The following CEP112 variants were observed in gnomAD, a reference collection of about 807,000 sequenced individuals.
CEP112 encodes centrosomal protein of 112 kDa.
A neutral mutation model predicts 153.0 loss-of-function variants in CEP112; 127 were observed. The ratio of observed to expected loss-of-function variants is 0.83; its 90% CI spans 0.72 to 0.96. The LOEUF is 0.96. Among genes scored for constraint, CEP112 ranks in the 40% least tolerant of loss-of-function variants. The pLI is 0.00. For synonymous variants in CEP112, 358 were observed against 374.4 expected (o/e 0.96, Z 0.51); for missense variants, 1,089 against 1,101.2 (o/e 0.99, Z 0.16).
chr17:65,849,222 T>C (rs2057835696), intron 21 of CEP112, among the ~76,000 whole-genome samples: 1 of 152,182 alleles, frequency 6.6e-6, no homozygotes, highest in South Asian at 2.1e-4. Flanking sequence ...ATCCAACATA[T>C]CTACTAATTA....
At chr17:65,873,465 G>C (rs1455316330) in intron 20 of CEP112, 3 of 152,022 alleles carry the variant, frequency 2.0e-5, no homozygotes, top group Non-Finnish European at 4.4e-5. Flanking sequence ...CCCATCATCT[G>C]ACTCTCCTAA....
At chr17:65,657,499 G>A (rs930297167) in intron 24 of CEP112, among the ~76,000 whole-genome samples, 8 of 152,186 alleles carry the variant, frequency 5.3e-5, no homozygotes, top group Admixed American at 1.3e-4. Context: ...CAAGTTGGAA[G>A]GAAGCACCTT....
At chr17:65,992,470 A>C (rs1489723812) in intron 17 of CEP112, among the ~76,000 whole-genome samples, 2 of 152,186 alleles carry the variant, frequency 1.3e-5, no homozygotes, top group African/African-American at 4.8e-5. Context: ...AAAGTGAAGA[A>C]AGGCCTCCAA....
intron 16 of CEP112, among the ~76,000 whole-genome samples, chr17:66,008,262 T>C (rs1057109746): frequency 6.6e-6 from 1 of 152,180 alleles, no homozygotes; most frequent in Non-Finnish European, 1.5e-5. Context: ...GATGAGAACA[T>C]TTAAAGTTTG....
At chr17:65,849,083 G>T (rs1485707806) in intron 21 of CEP112, among the ~76,000 whole-genome samples, 1 of 152,188 alleles carries the variant, frequency 6.6e-6, no homozygotes, top group Admixed American at 6.5e-5. Context: ...GCTTATCACA[G>T]CTTTGGAGAC....
chr17:65,891,044 G>A (rs561959224), intron 20 of CEP112, among the ~76,000 whole-genome samples: 1 of 152,304 alleles, frequency 6.6e-6, no homozygotes, highest in South Asian at 2.1e-4. Flanking sequence ...CTGTAAGCTT[G>A]AGGGAGAAAC....
At chr17:66,128,886 A>G (rs902873268) in intron 6 of CEP112, among the ~76,000 whole-genome samples, 1 of 152,204 alleles carries the variant, frequency 6.6e-6, no homozygotes, top group Non-Finnish European at 1.5e-5. Context: ...GAATCTTATA[A>G]AAACACACAG....
rs376702611 is a variant in CEP112, at chr17:65,697,094, G to A, written c.2608-7876C>T. ...TAATTTACATACAATCCAATTCAAT[G>A]TTTATTTTTTCATGGTAATGGTCTG... On this transcript the variant is annotated intron_variant, in intron 23 of 26. Coordinates refer to ENST00000535342, the MANE Select transcript of CEP112 (RefSeq NM_001199165.4). Among the ~76,000 whole-genome samples, 231 of 152,232 alleles carry A rather than the reference G, an allele frequency of 1.5e-3. 1 individual carries two copies. Among genetic ancestry groups the A allele is most frequent in the African/African-American group, 5.3e-3 (220 of 41,558 alleles).
intron 17 of CEP112, among the ~76,000 whole-genome samples, chr17:65,982,783 A>G (rs2063274591): frequency 6.6e-6 from 1 of 152,230 alleles, no homozygotes; most frequent in South Asian, 2.1e-4. Flanking sequence ...AGCACTATTC[A>G]CAATAGCCAA....
rs1416013195 is a variant in CEP112 at position 66,096,321 on chromosome 17, G to C, written c.698C>G (p.Pro233Arg). ...QKPIPVSLMT[P>R]KFSLRKSSSF... is the part of the protein sequence containing the mutation. Reference sequence around the variant, plus strand: ...GCTGGATTTTCTCAGGCTGAATTTCGGTGTCATCTGCTAAATGAACAGGAG... The same window carrying C: ...GCTGGATTTTCTCAGGCTGAATTTCCGTGTCATCTGCTAAATGAACAGGAG... The change falls in exon 8 of 27, where the codon CCG becomes CGG. Residue 233 changes from proline to arginine, a missense_variant. Physicochemically the swap from Pro to Arg is moderately radical, Grantham distance 103 (BLOSUM62 -2). Transcript: ENST00000535342. 1.9e-6 allele frequency: 3 copies of C among 1,612,582 alleles called. No homozygotes were observed.
At chr17:65,828,226 C>A (rs1434540677) in intron 21 of CEP112, among the ~76,000 whole-genome samples, 5 of 152,178 alleles carry the variant, frequency 3.3e-5, no homozygotes, top group African/African-American at 1.2e-4. Context: ...TTCTTCATTT[C>A]TTTTCAAAAT....
chr17:65,919,815 C>CT (rs1448383741), intron 19 of CEP112, among the ~76,000 whole-genome samples: 1 of 152,122 alleles, frequency 6.6e-6, no homozygotes, highest in African/African-American at 2.4e-5. Flanking sequence ...TAGAAAAGAA[C>CT]TACCTTGAAA....
At chr17:65,680,792 AC>A (rs1309569826) in intron 24 of CEP112, among the ~76,000 whole-genome samples, 1 of 152,216 alleles carries the variant, frequency 6.6e-6, no homozygotes, top group Non-Finnish European at 1.5e-5. Context: ...CAGAAAACTT[AC>A]AATCATGGCG....
intron 6 of CEP112, among the ~76,000 whole-genome samples, chr17:66,107,241 G>A (rs1355255779): frequency 1.3e-5 from 2 of 152,068 alleles, no homozygotes; most frequent in African/African-American, 4.8e-5. Flanking sequence ...AATATGACAA[G>A]ATGCCCACTT....
intron 20 of CEP112, among the ~76,000 whole-genome samples, chr17:65,886,246 A>AT: frequency 6.6e-6 from 1 of 152,170 alleles, no homozygotes; most frequent in Non-Finnish European, 1.5e-5. Flanking sequence ...ATGGGATAAT[A>AT]TTTTTTAATG....
intron 21 of CEP112, among the ~76,000 whole-genome samples, chr17:65,823,318 T>C (rs1462260763): frequency 2.0e-5 from 3 of 152,118 alleles, no homozygotes; most frequent in Admixed American, 6.5e-5. Flanking sequence ...TAGTGTGGCA[T>C]TGTAAAAGGA....
chr17:66,116,939 T>C (rs1272948202), intron 6 of CEP112, among the ~76,000 whole-genome samples: 3 of 148,630 alleles, frequency 2.0e-5, no homozygotes, highest in African/African-American at 7.4e-5. Context: ...CGATCTCGGC[T>C]CACTGCAACC....
chr17:65,960,349 T>A (rs960928324), intron 18 of CEP112, among the ~76,000 whole-genome samples: 1 of 152,100 alleles, frequency 6.6e-6, no homozygotes, highest in Middle Eastern at 3.4e-3. Flanking sequence ...ATATAATTTT[T>A]AAAAAAACAA....
chr17:65,691,441 C>A (rs2048101262), intron 23 of CEP112, among the ~76,000 whole-genome samples: 1 of 152,178 alleles, frequency 6.6e-6, no homozygotes, highest in Non-Finnish European at 1.5e-5. Flanking sequence ...CACTGTAGGA[C>A]ATTCATAGAT....
Sources: allele counts gnomAD v4.1 joint callset (sites outside exome capture counted in the v4.1 genomes callset), GRCh38; gene constraint gnomAD v4.1.1; transcripts MANE v1.5; gene names NCBI Gene and HGNC (gene_info 2026-07-23, HGNC 2026-07-21).